The following ADARB2 variants were observed in gnomAD, a reference collection of about 807,000 sequenced individuals.
ADARB2 encodes the protein inactive double-stranded RNA-specific editase B2.
In ADARB2, 25 loss-of-function variants were observed where a neutral mutation model predicts 62.2. The ratio of observed to expected loss-of-function variants is 0.40; its 90% confidence interval spans 0.29 to 0.56. ADARB2 has a LOEUF of 0.56. Among genes scored for constraint, ADARB2 ranks in the 20% least tolerant of loss-of-function variants. The probability of loss-of-function intolerance (pLI) is 0.43; values close to 1 mark genes in which losing one functional copy is unlikely to be tolerated. For missense variants in ADARB2, 1,071 were observed against 1,077.4 expected, an observed-to-expected ratio of 0.99 and a Z score of 0.08; for synonymous variants, 572 against 500.8, an observed-to-expected ratio of 1.14 and a Z score of -1.90.
chr10:1,379,519 C>A (rs1832464063), intron 1 of ADARB2, among the ~76,000 whole-genome samples: 1 of 152,176 alleles, frequency 6.6e-6, no homozygotes, highest in Admixed American at 6.5e-5. Context: ...CAGAGATGGG[C>A]TAAAACAAGT....
chr10:1,478,975 C>A (rs769412962), intron 1 of ADARB2, among the ~76,000 whole-genome samples: 1 of 152,196 alleles, frequency 6.6e-6, no homozygotes, highest in Non-Finnish European at 1.5e-5. Context: ...TCTTCACCAA[C>A]GAATCCAATA....
rs188175631 is a variant in ADARB2 at position 1,211,706 on chromosome 10, C to T, written c.1682+5245G>A. ...CATCACTGTGGCCAATTTCAAGGGCCCAGTGTGAGGTCACTGAGCAGGTTT... is the reference window on the plus strand; with the variant it reads ...CATCACTGTGGCCAATTTCAAGGGCTCAGTGTGAGGTCACTGAGCAGGTTT... On this transcript the variant is annotated intron_variant, in intron 7 of 9. Transcript: ENST00000381312. Among the ~76,000 whole-genome samples the T allele has an allele frequency of 2.6e-3, 392 of 152,210 alleles. 1 individual carries two copies. The highest frequency in any genetic ancestry group is 8.6e-3 in the African/African-American group (358 of 41,518).
chr10:1,543,150 C>A (rs916646248), intron 1 of ADARB2, among the ~76,000 whole-genome samples: 9 of 152,210 alleles, frequency 5.9e-5, no homozygotes, highest in African/African-American at 2.2e-4. Context: ...CTGCTCTCTG[C>A]GTTCCCACGG....
At chr10:1,727,400 T>G (rs538586357) in intron 1 of ADARB2, among the ~76,000 whole-genome samples, 4 of 152,194 alleles carry the variant, frequency 2.6e-5, no homozygotes, top group Non-Finnish European at 2.9e-5. Flanking sequence ...TGCTGCCCTG[T>G]GTAAAAGACG....
intron 1 of ADARB2, among the ~76,000 whole-genome samples, chr10:1,638,857 C>T (rs1343067330): frequency 3.9e-5 from 6 of 152,182 alleles, no homozygotes; most frequent in Admixed American, 2.0e-4. Flanking sequence ...AATGGTGTGT[C>T]GGGGGCTCAC....
intron 1 of ADARB2, among the ~76,000 whole-genome samples, chr10:1,564,030 T>C (rs1832825352): frequency 6.6e-6 from 1 of 151,380 alleles, no homozygotes; most frequent in Admixed American, 6.6e-5. Context: ...CAGTCTATCA[T>C]TGTTGGACAT....
intron 1 of ADARB2, among the ~76,000 whole-genome samples, chr10:1,412,685 G>A (rs1330137265): frequency 2.6e-5 from 4 of 152,146 alleles, no homozygotes; most frequent in Non-Finnish European, 5.9e-5. Flanking sequence ...GAGTCAATTT[G>A]TGGTTGCCAG....
intron 1 of ADARB2, among the ~76,000 whole-genome samples, chr10:1,448,047 C>T (rs1391760564): frequency 1.3e-5 from 2 of 152,180 alleles, no homozygotes; most frequent in Non-Finnish European, 2.9e-5. Flanking sequence ...CATATGTGTG[C>T]ATGTGTCTTT....
intron 3 of ADARB2, among the ~76,000 whole-genome samples, chr10:1,358,084 GA>G (rs1292847035): frequency 6.6e-6 from 1 of 152,204 alleles, no homozygotes; most frequent in Admixed American, 6.5e-5. Context: ...GAGAGAAGGA[GA>G]AAAAAATCAC....
intron 1 of ADARB2, among the ~76,000 whole-genome samples, chr10:1,603,924 C>G (rs1833463419): frequency 6.6e-6 from 1 of 152,060 alleles, no homozygotes; most frequent in African/African-American, 2.4e-5. Flanking sequence ...CCTGCCTCAG[C>G]CTCCTGAGTA....
chr10:1,399,847 G>GTTTT, intron 1 of ADARB2, among the ~76,000 whole-genome samples: 1 of 152,310 alleles, frequency 6.6e-6, no homozygotes, highest in South Asian at 2.1e-4. Context: ...CCAGCAGGGG[G>GTTTT]CTGCCCTTGA....
At chr10:1,339,784 G>A (rs894012237) in intron 3 of ADARB2, among the ~76,000 whole-genome samples, 1 of 152,214 alleles carries the variant, frequency 6.6e-6, no homozygotes, top group African/African-American at 2.4e-5. Flanking sequence ...GCAGGTGCCA[G>A]CCCACCCGTG....
At chr10:1,352,078 C>T (rs113901763) in intron 3 of ADARB2, among the ~76,000 whole-genome samples, 1,943 of 152,012 alleles carry the variant, frequency 0.013, 46 homozygotes, top group African/African-American at 0.044. Context: ...CAGCAAATTA[C>T]CTGGGCTGTA....
intron 2 of ADARB2, 87 bp from the exon 3 acceptor site, chr10:1,364,004 C>T: frequency 7.2e-7 from 1 of 1,384,544 alleles, no homozygotes; most frequent in East Asian, 2.9e-5. Flanking sequence ...GGTCCCCGTC[C>T]CAGCGACCTC....
chr10:1,288,889 G>GCC (rs563920275), intron 3 of ADARB2, among the ~76,000 whole-genome samples: 1 of 152,100 alleles, frequency 6.6e-6, no homozygotes, highest in African/African-American at 2.4e-5. Context: ...AAATTCTAAG[G>GCC]CCCCCCAACC....
intron 8 of ADARB2, among the ~76,000 whole-genome samples, chr10:1,193,862 G>A (rs1836874132): frequency 1.3e-5 from 2 of 152,056 alleles, no homozygotes; most frequent in Non-Finnish European, 1.5e-5. Context: ...CTGCTTTTAA[G>A]ATTTTTTTGG....
chr10:1,502,243 G>A (rs781162022), intron 1 of ADARB2, among the ~76,000 whole-genome samples: 2 of 152,218 alleles, frequency 1.3e-5, no homozygotes, highest in African/African-American at 2.4e-5. Flanking sequence ...GCTCTGTGAT[G>A]CTGCATCTCC....
chr10:1,315,407 G>A (rs1054125288), intron 3 of ADARB2, among the ~76,000 whole-genome samples: 3 of 152,260 alleles, frequency 2.0e-5, no homozygotes, highest in Non-Finnish European at 2.9e-5. Context: ...CGTTTGGCAT[G>A]GCTGATGTTT....
At position 1,432,919 on chromosome 10, in the gene ADARB2, T is replaced by G. The variant is rs1359105807; in HGVS notation, c.101-53759A>C. Among the ~76,000 whole-genome samples the G allele has an allele frequency of 5.3e-5, 8 of 152,114 alleles. 1 individual carries two copies. In the South Asian group the frequency reaches 1.0e-3, roughly 20 times the overall value. The stretch of plus-strand genomic sequence containing the variant: ...CACAGCCATAGCCTCTTCCTAAATA[T>G]CTCCTGAACAATGAATACGTGGTTC... On this transcript the variant is annotated intron_variant, in intron 1 of 9. Transcript: ENST00000381312.
Sources: gnomAD v4.1 joint callset for allele counts (sites outside exome capture counted in the v4.1 genomes callset) on GRCh38, gnomAD v4.1.1 for gene constraint, MANE v1.5 for transcripts, NCBI Gene and HGNC (gene_info 2026-07-23, HGNC 2026-07-21) for gene names.